Variants in ABCD3 observed in about 807,000 individuals in gnomAD.
ABCD3 encodes ATP binding cassette subfamily D member 3, also known as ATP-binding cassette sub-family D member 3.
ABCD3 carries 41 observed loss-of-function variants against 105.5 expected under a neutral mutation model. The ratio of observed to expected loss-of-function variants is 0.39; its 90% CI spans 0.30 to 0.50. The LOEUF (loss-of-function observed/expected upper bound fraction) is 0.50. ABCD3 is among the 20% of genes least tolerant of loss of function. The probability of loss-of-function intolerance (pLI) is 0.84; values close to 1 mark genes in which losing one functional copy is unlikely to be tolerated. For missense variants in ABCD3, 622 were observed against 806.3 expected (o/e 0.77, Z 2.77); for synonymous variants, 258 against 269.0 (o/e 0.96, Z 0.40).
chr1:94,466,630 T>A (rs1276517738), intron 3 of ABCD3, among the ~76,000 whole-genome samples: 4 of 152,222 alleles, frequency 2.6e-5, no homozygotes, highest in South Asian at 4.1e-4. Context: ...AATTGCTTAA[T>A]GCTTATCTTT....
At chr1:94,475,364 A>C in intron 6 of ABCD3, 124 bp downstream of exon 6, 4 of 786,984 alleles carry the variant, frequency 5.1e-6, no homozygotes, top group Non-Finnish European at 6.1e-6. Flanking sequence ...TAGGTACAGA[A>C]GCATGTTGGG....
intron 20 of ABCD3, among the ~76,000 whole-genome samples, chr1:94,502,552 A>G (rs568919518): frequency 2.0e-5 from 3 of 148,890 alleles, no homozygotes; most frequent in African/African-American, 7.5e-5. Flanking sequence ...GCCGGAGTGC[A>G]GTGGCACAAT....
intron 2 of ABCD3, 39 bp downstream of exon 2, chr1:94,458,682 AT>A (rs1271230667): frequency 2.8e-5 from 43 of 1,555,114 alleles, no homozygotes; most frequent in Non-Finnish European, 3.8e-5. Flanking sequence ...GATTTCATGC[AT>A]TTATTTCATT....
At chr1:94,505,693 G>A (rs1448473749) in intron 20 of ABCD3, among the ~76,000 whole-genome samples, 1 of 152,146 alleles carries the variant, frequency 6.6e-6, no homozygotes, top group East Asian at 1.9e-4. Flanking sequence ...ATGGTCGAGT[G>A]AAGGAGAAAG....
At chr1:94,413,446 TTC>T (rs1469611584), upstream of ABCD3, among the ~76,000 whole-genome samples, 15 of 152,176 alleles carry the variant, frequency 9.9e-5, no homozygotes, top group Admixed American at 9.8e-4. Context: ...AGGGAGTACA[TTC>T]CTCTTTGGGA....
At chr1:94,499,161 A>G in intron 19 of ABCD3, 127 bp downstream of exon 19, 1 of 919,936 alleles carries the variant, frequency 1.1e-6, no homozygotes, top group Non-Finnish European at 1.7e-6. Context: ...GTAAATTGTG[A>G]TTTTCTAAGC....
At chr1:94,481,721 G>A (rs996457608) in intron 9 of ABCD3, 2 of 152,264 alleles carry the variant, frequency 1.3e-5, no homozygotes, top group African/African-American at 2.4e-5. Flanking sequence ...GAAACAAAAA[G>A]GGGCCATCTC....
chr1:94,515,490 T>C (rs1475026715), intron 22 of ABCD3, among the ~76,000 whole-genome samples: 1 of 151,988 alleles, frequency 6.6e-6, no homozygotes, highest in Non-Finnish European at 1.5e-5. Context: ...AAGTAAACTT[T>C]TCTTATCCAG....
At chr1:94,507,583 T>G (rs1305690133) in intron 21 of ABCD3, among the ~76,000 whole-genome samples, 1 of 151,930 alleles carries the variant, frequency 6.6e-6, no homozygotes, top group Non-Finnish European at 1.5e-5. Flanking sequence ...TCCACAATGG[T>G]TGAACTAGTT....
chr1:94,490,424 C>T (rs1161308352), intron 15 of ABCD3, among the ~76,000 whole-genome samples: 2 of 151,918 alleles, frequency 1.3e-5, no homozygotes, highest in Non-Finnish European at 2.9e-5. Flanking sequence ...TGGCAACCAC[C>T]GTCCTACTCT....
chr1:94,496,417 G>A (rs375841372), intron 16 of ABCD3, among the ~76,000 whole-genome samples: 6 of 152,006 alleles, frequency 3.9e-5, no homozygotes, highest in African/African-American at 1.4e-4. Context: ...ATGTGTCAGA[G>A]TTTCATTCAT....
chr1:94,418,313 G>C (rs1659100983), upstream of ABCD3: 1 of 476,660 alleles, frequency 2.1e-6, no homozygotes, highest in Non-Finnish European at 3.5e-6. Flanking sequence ...TACAAAGTGG[G>C]CTCCAGAGCG....
chr1:94,471,730 A>T (rs1648469358), intron 4 of ABCD3, among the ~76,000 whole-genome samples: 2 of 152,166 alleles, frequency 1.3e-5, no homozygotes, highest in South Asian at 4.1e-4. Context: ...TCTCCATCTC[A>T]GTATTTAAGC....
intron 2 of ABCD3, among the ~76,000 whole-genome samples, chr1:94,461,207 A>G (rs1035409208): frequency 2.0e-4 from 31 of 152,064 alleles, no homozygotes; most frequent in African/African-American, 7.0e-4. Flanking sequence ...AGAATTTTCT[A>G]ATTTTTCTAC....
intron 21 of ABCD3, chr1:94,513,548 T>C (rs1650782384): frequency 6.6e-6 from 1 of 152,096 alleles, no homozygotes; most frequent in African/African-American, 2.4e-5. Context: ...ACACATTAAA[T>C]ACATTAAATA....
Position 94,485,214 on chromosome 1 carries a change from C to T in ABCD3, c.897+1975C>T, listed in dbSNP as rs116356294. On this transcript the variant is annotated intron_variant, in intron 10 of 22. Coordinates refer to ENST00000370214, the MANE Select transcript of ABCD3 (RefSeq NM_002858.4). The stretch of plus-strand genomic sequence containing the variant: ...AATTGCCACTTGGAAAATTTGAATT[C>T]AAGTACTTTTATTCCATTATTTATT... Among the ~76,000 whole-genome samples the T allele has an allele frequency of 5.6e-3, 859 of 152,218 alleles. 8 individuals carry two copies. The highest frequency in any genetic ancestry group is 0.019 in the African/African-American group (809 of 41,542).
intron 1 of ABCD3, among the ~76,000 whole-genome samples, chr1:94,432,223 A>G (rs557206976): frequency 2.0e-5 from 3 of 152,360 alleles, no homozygotes; most frequent in African/African-American, 7.2e-5. Context: ...TTGTGGCACT[A>G]TTACTACAAA....
rs576560248 is a variant in ABCD3 at position 94,462,041 on chromosome 1, T to A, written c.148-2734T>A. Among the ~76,000 whole-genome samples the A allele has an allele frequency of 5.9e-5, 9 of 152,356 alleles. No individual in the cohort carries two copies. In the South Asian group the frequency reaches 1.7e-3, roughly 28 times the overall value. On this transcript the variant is annotated intron_variant, in intron 2 of 22. Transcript: ENST00000370214. ...TGATTGACGTATCAATAGGAACTTC[T>A]CATTGTACTTTGACCTTTGTTACCT... is the stretch of plus-strand genomic sequence containing the variant.
At chr1:94,421,562 A>ATATG (rs1553167239) in intron 1 of ABCD3, among the ~76,000 whole-genome samples, 2 of 148,928 alleles carry the variant, frequency 1.3e-5, no homozygotes, top group South Asian at 2.2e-4. Context: ...GAGCTATAAG[A>ATATG]TGTGTGTGTG....
Sources: gnomAD v4.1 joint callset for allele counts (sites outside exome capture counted in the v4.1 genomes callset) on GRCh38, gnomAD v4.1.1 for gene constraint, MANE v1.5 for transcripts, NCBI Gene and HGNC (gene_info 2026-07-23, HGNC 2026-07-21) for gene names.